ROBO1: variants seen among roughly 807,000 people sequenced by gnomAD.
The protein encoded by ROBO1 is roundabout guidance receptor 1, also known as roundabout homolog 1.
ROBO1 carries 149 observed loss-of-function variants against 195.9 expected under a neutral mutation model. That is an observed-to-expected ratio of 0.76 (90% CI 0.67 to 0.87). ROBO1 has a LOEUF of 0.87. Among genes scored for constraint, ROBO1 ranks in the 40% least tolerant of loss-of-function variants. ROBO1 has a pLI of 0.00. For synonymous variants in ROBO1, 816 were observed against 733.2 expected, an observed-to-expected ratio of 1.11 and a Z score of -1.82; for missense variants, 1,933 against 2,068.3, an observed-to-expected ratio of 0.93 and a Z score of 1.27.
intron 2 of ROBO1, among the ~76,000 whole-genome samples, chr3:79,485,275 G>A (rs748910313): frequency 4.0e-5 from 6 of 151,636 alleles, no homozygotes; most frequent in Non-Finnish European, 5.9e-5. Context: ...AAATGTACAC[G>A]TTAATTCAAA....
chr3:78,932,074 G>A (rs2039563348), intron 4 of ROBO1, among the ~76,000 whole-genome samples: 1 of 152,178 alleles, frequency 6.6e-6, no homozygotes, highest in Non-Finnish European at 1.5e-5. Flanking sequence ...AATTAAACTT[G>A]TGAACCAAAA....
intron 4 of ROBO1, among the ~76,000 whole-genome samples, chr3:78,863,306 T>C (rs1260822176): frequency 6.6e-6 from 1 of 152,212 alleles, no homozygotes; most frequent in Non-Finnish European, 1.5e-5. Flanking sequence ...TTTAGAACTC[T>C]ATGAGCCTAT....
chr3:78,947,141 AG>A (rs1212319652), intron 3 of ROBO1, among the ~76,000 whole-genome samples: 6 of 152,282 alleles, frequency 3.9e-5, no homozygotes, highest in Admixed American at 2.6e-4. Context: ...AAGGATACCA[AG>A]GAACTGAACT....
At chr3:79,668,174 C>T (rs1004773514) in intron 1 of ROBO1, among the ~76,000 whole-genome samples, 2 of 151,706 alleles carry the variant, frequency 1.3e-5, no homozygotes, top group African/African-American at 4.8e-5. Flanking sequence ...TTATACATTA[C>T]TGTAGCTTTT....
chr3:79,608,486 A>G (rs936792245), intron 1 of ROBO1, among the ~76,000 whole-genome samples: 1 of 151,992 alleles, frequency 6.6e-6, no homozygotes, highest in African/African-American at 2.4e-5. Context: ...GCACTCTAGC[A>G]GTTAGTGACA....
intron 3 of ROBO1, among the ~76,000 whole-genome samples, chr3:78,956,250 T>C (rs369062106): frequency 1.3e-5 from 2 of 152,266 alleles, no homozygotes; most frequent in East Asian, 1.9e-4. Flanking sequence ...GTTGATCTAA[T>C]AGACAAAATA....
chr3:79,602,931 C>T (rs1944380167), intron 1 of ROBO1, among the ~76,000 whole-genome samples: 1 of 151,882 alleles, frequency 6.6e-6, no homozygotes, highest in Admixed American at 6.6e-5. Flanking sequence ...TAGATCTTGG[C>T]TCAACTCTTT....
chr3:79,255,214 C>T (rs1010624133), intron 2 of ROBO1, among the ~76,000 whole-genome samples: 2 of 151,958 alleles, frequency 1.3e-5, no homozygotes, highest in South Asian at 2.1e-4. Flanking sequence ...AAAAATTAGC[C>T]GGACAAGGTG....
At chr3:78,913,654 C>T (rs1009789780) in intron 4 of ROBO1, among the ~76,000 whole-genome samples, 12 of 152,042 alleles carry the variant, frequency 7.9e-5, no homozygotes, top group Non-Finnish European at 1.3e-4. Flanking sequence ...TATTGTCTTA[C>T]GGTGTTACGT....
At chr3:79,188,022 A>G (rs992207415) in intron 2 of ROBO1, among the ~76,000 whole-genome samples, 11 of 151,924 alleles carry the variant, frequency 7.2e-5, no homozygotes, top group Non-Finnish European at 8.8e-5. Context: ...TCTCTGATAA[A>G]AACAAAAGTT....
chr3:79,479,524 C>T (rs1031082820), intron 2 of ROBO1, among the ~76,000 whole-genome samples: 2 of 152,118 alleles, frequency 1.3e-5, no homozygotes, highest in African/African-American at 4.8e-5. Context: ...GTTGGAGAAC[C>T]CTGATCTACA....
intron 3 of ROBO1, among the ~76,000 whole-genome samples, chr3:79,101,977 A>G (rs1238198927): frequency 6.6e-6 from 1 of 151,800 alleles, no homozygotes; most frequent in East Asian, 1.9e-4. Context: ...AGCTGATCTC[A>G]TTATACTCTG....
intron 2 of ROBO1, among the ~76,000 whole-genome samples, chr3:79,348,372 A>C (rs996277558): frequency 6.6e-6 from 1 of 152,150 alleles, no homozygotes; most frequent in Non-Finnish European, 1.5e-5. Context: ...TGATGGCCAA[A>C]TATTCAAATG....
intron 4 of ROBO1, among the ~76,000 whole-genome samples, chr3:78,788,474 G>C (rs1302248938): frequency 1.4e-5 from 2 of 138,574 alleles, no homozygotes; most frequent in African/African-American, 5.4e-5. Context: ...ATTCCACTTA[G>C]GACCTAGAAT....
intron 2 of ROBO1, among the ~76,000 whole-genome samples, chr3:79,577,244 C>A (rs1185143733): frequency 6.6e-6 from 1 of 152,100 alleles, no homozygotes. Context: ...AAAAGATATT[C>A]TTTTTAGCGT....
intron 2 of ROBO1, among the ~76,000 whole-genome samples, chr3:79,479,424 G>A (rs779057175): frequency 3.9e-5 from 6 of 152,166 alleles, no homozygotes; most frequent in Non-Finnish European, 8.8e-5. Context: ...CAGAGCTCAG[G>A]CGGTAATACT....
At chr3:79,219,755 A>G (rs376666450) in intron 2 of ROBO1, among the ~76,000 whole-genome samples, 3 of 152,186 alleles carry the variant, frequency 2.0e-5, no homozygotes, top group South Asian at 4.1e-4. Flanking sequence ...CACTGTCCAC[A>G]TTGTCATCAA....
At chr3:79,510,571 G>T (rs1211902615) in intron 2 of ROBO1, among the ~76,000 whole-genome samples, 1 of 143,730 alleles carries the variant, frequency 7.0e-6, no homozygotes, top group Non-Finnish European at 1.5e-5. Flanking sequence ...TTTTTTGAAA[G>T]GGTCAAGTTG....
intron 4 of ROBO1, among the ~76,000 whole-genome samples, chr3:78,876,115 G>GA (rs2035831242): frequency 6.6e-6 from 1 of 151,918 alleles, no homozygotes; most frequent in African/African-American, 2.4e-5. Context: ...ATGTAGTCAA[G>GA]AAAAAATAAT....
Sources: allele counts gnomAD v4.1 joint callset (sites outside exome capture counted in the v4.1 genomes callset), GRCh38; gene constraint gnomAD v4.1.1; transcripts MANE v1.5; gene names NCBI Gene and HGNC (gene_info 2026-07-23, HGNC 2026-07-21).